The following CACNA2D3 variants were observed in gnomAD, a reference collection of about 807,000 sequenced individuals.
CACNA2D3 encodes the protein voltage-dependent calcium channel subunit alpha-2/delta-3.
CACNA2D3 carries 60 observed loss-of-function variants against 160.6 expected under a neutral mutation model. The ratio of observed to expected loss-of-function variants is 0.37; its 90% CI spans 0.30 to 0.46. CACNA2D3 has a LOEUF of 0.46. Among genes scored for constraint, CACNA2D3 ranks in the 20% least tolerant of loss-of-function variants. The pLI is 1.00. For synonymous variants in CACNA2D3, 558 were observed against 492.9 expected, an observed-to-expected ratio of 1.13 and a Z score of -1.75; for missense variants, 1,205 against 1,365.0, an observed-to-expected ratio of 0.88 and a Z score of 1.85.
rs185026326 is a variant in CACNA2D3, at chr3:54,141,163, A to G, written c.204+17569A>G. ...AGACTCATGGTTGTTTAGATGATCA[A>G]TTCTCATTCTTGGGTGCAATGGCAT... is the stretch of plus-strand genomic sequence containing the variant. On this transcript the variant is annotated intron_variant, in intron 2 of 37. Transcript: ENST00000474759. 9.5e-4 allele frequency among the ~76,000 whole-genome samples: 144 copies of G among 151,186 alleles called. 1 individual carries two copies. The highest frequency in any genetic ancestry group is 1.6e-3 in the Non-Finnish European group (112 of 67,902).
intron 4 of CACNA2D3, among the ~76,000 whole-genome samples, chr3:54,442,574 T>C (rs1181979288): frequency 6.6e-6 from 1 of 152,174 alleles, no homozygotes; most frequent in Non-Finnish European, 1.5e-5. Context: ...GTTTAAGCCA[T>C]GGTGGGGTGG....
chr3:54,787,961 G>A (rs1702672157), intron 13 of CACNA2D3, among the ~76,000 whole-genome samples: 1 of 152,128 alleles, frequency 6.6e-6, no homozygotes, highest in Admixed American at 6.5e-5. Context: ...GGCATATTTT[G>A]GGGTGGCATA....
chr3:55,007,693 C>G (rs1027386517), intron 32 of CACNA2D3, 97 bp from the exon 33 acceptor site: 10 of 762,852 alleles, frequency 1.3e-5, no homozygotes, highest in South Asian at 1.7e-5. Context: ...ATCAATCTCT[C>G]TAGAAGAATA....
chr3:54,541,402 A>G (rs1701977016), intron 5 of CACNA2D3, among the ~76,000 whole-genome samples: 1 of 152,142 alleles, frequency 6.6e-6, no homozygotes, highest in African/African-American at 2.4e-5. Context: ...GCATTTACAA[A>G]CCAAGCAAAA....
intron 12 of CACNA2D3, among the ~76,000 whole-genome samples, chr3:54,757,773 A>G (rs1259347381): frequency 3.9e-5 from 6 of 152,162 alleles, no homozygotes; most frequent in African/African-American, 1.4e-4. Flanking sequence ...TACTGTTATC[A>G]TTATTTTTGT....
At chr3:54,402,673 A>G (rs1378716386) in intron 4 of CACNA2D3, among the ~76,000 whole-genome samples, 2 of 152,200 alleles carry the variant, frequency 1.3e-5, no homozygotes, top group Admixed American at 6.5e-5. Context: ...CAGCAATACA[A>G]TAATAGTAAG....
intron 17 of CACNA2D3, among the ~76,000 whole-genome samples, chr3:54,867,542 A>AAG (rs58946736): frequency 7.3e-5 from 11 of 149,828 alleles, no homozygotes; most frequent in African/African-American, 2.7e-4. Context: ...AAAAAAAAAA[A>AAG]GGCCTTTAAA....
At chr3:54,503,811 G>A (rs918452874) in intron 5 of CACNA2D3, among the ~76,000 whole-genome samples, 157 bp downstream of exon 5, 19 of 152,182 alleles carry the variant, frequency 1.2e-4, no homozygotes, top group African/African-American at 3.9e-4. Context: ...GATAGGTGAA[G>A]CATGTACCTG....
chr3:54,171,500 A>G (rs1445689160), intron 2 of CACNA2D3, among the ~76,000 whole-genome samples: 4 of 152,170 alleles, frequency 2.6e-5, no homozygotes, highest in African/African-American at 7.2e-5. Context: ...CAGATATGAA[A>G]TATTTTATCT....
chr3:54,669,495 A>G (rs1325934709), intron 11 of CACNA2D3, among the ~76,000 whole-genome samples: 2 of 152,236 alleles, frequency 1.3e-5, no homozygotes, highest in Non-Finnish European at 2.9e-5. Context: ...AATTGAATTA[A>G]AGAGACTTGT....
At chr3:55,006,521 C>T (rs528415155) in intron 32 of CACNA2D3, among the ~76,000 whole-genome samples, 1 of 152,292 alleles carries the variant, frequency 6.6e-6, no homozygotes, top group East Asian at 1.9e-4. Flanking sequence ...ATGGCAAAAC[C>T]GCAGGACTGC....
chr3:54,687,121 C>CTTTTTCTTTTTCTTTTTTT lies in CACNA2D3; in HGVS notation c.1167+44885_1167+44886insCTTTTTCTTTTTTTTTTTT. ...AAATCGGATTTTTCTTTTTCTTTTT[C>CTTTTTCTTTTTCTTTTTTT]TTTTTTTTTTTTTGTTTTTTTTTTT... is the stretch of plus-strand genomic sequence containing the variant. On this transcript the variant is annotated intron_variant, in intron 11 of 37. Coordinates refer to ENST00000474759, the MANE Select transcript of CACNA2D3 (RefSeq NM_018398.3). Among the ~76,000 whole-genome samples, 33 of 94,912 alleles carry CTTTTTCTTTTTCTTTTTTT rather than the reference C, an allele frequency of 3.5e-4. 1 individual carries two copies. The highest frequency in any genetic ancestry group is 4.8e-4 in the African/African-American group (12 of 24,968). The allele number at this position is 94,912 out of a possible 152,430, so 62.3% of individuals were successfully genotyped here. A position where few individuals can be genotyped will look rare whatever the true frequency, so the allele number is the denominator to read the frequency against.
chr3:54,661,686 C>T (rs1699974386), intron 11 of CACNA2D3, among the ~76,000 whole-genome samples: 1 of 151,860 alleles, frequency 6.6e-6, no homozygotes, highest in South Asian at 2.1e-4. Flanking sequence ...TCTCTGCTTC[C>T]ACCTCTTGTA....
intron 5 of CACNA2D3, among the ~76,000 whole-genome samples, chr3:54,541,256 A>T (rs549242484): frequency 7.5e-6 from 1 of 133,414 alleles, no homozygotes. Context: ...CAGCCTGGGC[A>T]ACAGAGCAAG....
At chr3:54,625,881 T>TG (rs1293674322) in intron 9 of CACNA2D3, among the ~76,000 whole-genome samples, 1 of 152,220 alleles carries the variant, frequency 6.6e-6, no homozygotes, top group African/African-American at 2.4e-5. Flanking sequence ...GTGATCATTT[T>TG]GGGGGTCCTA....
chr3:55,070,684 G>T (rs1369415034), intron 35 of CACNA2D3, among the ~76,000 whole-genome samples: 1 of 152,200 alleles, frequency 6.6e-6, no homozygotes, highest in East Asian at 1.9e-4. Context: ...TTTGAAAACT[G>T]AGTCAAATAT....
At chr3:54,332,847 T>A (rs1704295049) in intron 3 of CACNA2D3, among the ~76,000 whole-genome samples, 1 of 152,136 alleles carries the variant, frequency 6.6e-6, no homozygotes, top group African/African-American at 2.4e-5. Context: ...CTGGGGTCTT[T>A]GGGTTGGCTA....
At chr3:54,875,014 CT>C (rs1017541571) in intron 18 of CACNA2D3, 1 of 152,032 alleles carries the variant, frequency 6.6e-6, no homozygotes, top group African/African-American at 2.4e-5. Flanking sequence ...CTTTTTTCCC[CT>C]ACTACCCTCT....
At chr3:54,565,433 TC>T (rs1702394268) in intron 6 of CACNA2D3, among the ~76,000 whole-genome samples, 1 of 152,152 alleles carries the variant, frequency 6.6e-6, no homozygotes, top group Admixed American at 6.5e-5. Flanking sequence ...GATGATGATG[TC>T]CATTTCTGCA....
Sources: gnomAD v4.1 joint callset for allele counts (sites outside exome capture counted in the v4.1 genomes callset) on GRCh38, gnomAD v4.1.1 for gene constraint, MANE v1.5 for transcripts, NCBI Gene and HGNC (gene_info 2026-07-23, HGNC 2026-07-21) for gene names.